Variants in EYA1 observed in about 807,000 individuals in gnomAD.
EYA1 encodes protein phosphatase EYA1.
Under a neutral mutation model 82.0 loss-of-function variants are expected in EYA1, and 16 were observed. That is an observed-to-expected ratio of 0.20 (90% CI 0.13 to 0.30). The LOEUF (loss-of-function observed/expected upper bound fraction) is 0.30, where lower values mean the gene tolerates loss of function less well. Among genes scored for constraint, EYA1 ranks in the 10% least tolerant of loss-of-function variants. The probability of loss-of-function intolerance (pLI) is 1.00; values close to 1 mark genes in which losing one functional copy is unlikely to be tolerated. For synonymous variants in EYA1, 261 were observed against 264.4 expected (o/e 0.99, Z 0.12); for missense variants, 633 against 730.7 (o/e 0.87, Z 1.54).
At chr8:71,430,397 A>T (rs1326758592) in intron 2 of EYA1, among the ~76,000 whole-genome samples, 1 of 152,220 alleles carries the variant, frequency 6.6e-6, no homozygotes, top group African/African-American at 2.4e-5. Context: ...TTGAGTTTAC[A>T]ATCTGTTCGC....
intron 2 of EYA1, among the ~76,000 whole-genome samples, chr8:71,425,458 C>A (rs779002087): frequency 1.3e-4 from 20 of 152,000 alleles, no homozygotes; most frequent in African/African-American, 4.4e-4. Context: ...TTTAACCAAG[C>A]CTATGAAATT....
chr8:71,540,796 C>T (rs1264115800), intron 1 of EYA1, among the ~76,000 whole-genome samples: 2 of 152,116 alleles, frequency 1.3e-5, no homozygotes, highest in African/African-American at 2.4e-5. Context: ...TACTCTTTGC[C>T]TTCTCACCAA....
chr8:71,304,865 C>T (rs7013104), intron 7 of EYA1, among the ~76,000 whole-genome samples: 82,351 of 140,790 alleles, frequency 0.58, 29,242 homozygotes, highest in East Asian at 0.87. Context: ...TGGATTTCAC[C>T]GAAGTTTAGA....
intron 2 of EYA1, among the ~76,000 whole-genome samples, chr8:71,429,148 T>C (rs1805453640): frequency 6.6e-6 from 1 of 152,208 alleles, no homozygotes; most frequent in Admixed American, 6.5e-5. Context: ...TCCTGAGTCT[T>C]CGTTTTCCAA....
chr8:71,494,160 A>C (rs1184661957), intron 2 of EYA1, among the ~76,000 whole-genome samples: 1 of 152,094 alleles, frequency 6.6e-6, no homozygotes. Context: ...ATATTTAGGC[A>C]CAATAGCTTG....
rs567492620 is a variant in EYA1 at position 71,488,973 on chromosome 8, A to T, written c.33+46771T>A. 3.3e-5 allele frequency among the ~76,000 whole-genome samples: 5 copies of T among 152,320 alleles called. No individual in the cohort carries two copies. In the South Asian group the frequency reaches 1.0e-3, roughly 32 times the overall value. On this transcript the variant is annotated intron_variant, in intron 2 of 18. Transcript: ENST00000643681. ...AGGGCTTTCTAAGAAACAAGATGAA[A>T]TCTGATGTCATTTTACTCTATGGAT...
intron 2 of EYA1, among the ~76,000 whole-genome samples, chr8:71,397,068 T>C (rs1371781864): frequency 6.6e-6 from 1 of 152,230 alleles, no homozygotes; most frequent in Non-Finnish European, 1.5e-5. Flanking sequence ...CTTTTGATCT[T>C]TGTTGATTTA....
chr8:71,244,361 T>A (rs1440970394), intron 12 of EYA1, among the ~76,000 whole-genome samples: 2 of 152,220 alleles, frequency 1.3e-5, no homozygotes, highest in Admixed American at 1.3e-4. Flanking sequence ...CAACAAAGTT[T>A]AAGATTCTTG....
chr8:71,388,075 A>C (rs758671780), intron 2 of EYA1, among the ~76,000 whole-genome samples: 5 of 152,200 alleles, frequency 3.3e-5, no homozygotes, highest in Non-Finnish European at 7.3e-5. Flanking sequence ...TATTCTACCC[A>C]TCTTCTAGTC....
At chr8:71,236,326 C>A (rs978300960) in intron 12 of EYA1, among the ~76,000 whole-genome samples, 3 of 152,284 alleles carry the variant, frequency 2.0e-5, no homozygotes, top group Middle Eastern at 3.4e-3. Context: ...TGAGCCACAG[C>A]ACCTGGCCGA....
chr8:71,508,312 C>T (rs1215048027), intron 2 of EYA1, among the ~76,000 whole-genome samples: 3 of 152,102 alleles, frequency 2.0e-5, no homozygotes, highest in Non-Finnish European at 4.4e-5. Context: ...CTCCTTCTGT[C>T]GCCCAGGCTG....
At chr8:71,508,414 C>G (rs1212126207) in intron 2 of EYA1, among the ~76,000 whole-genome samples, 1 of 152,178 alleles carries the variant, frequency 6.6e-6, no homozygotes, top group Admixed American at 6.5e-5. Flanking sequence ...GCTGGGATTA[C>G]AGGCACACAA....
chr8:71,287,858 G>T (rs575080725), intron 9 of EYA1, among the ~76,000 whole-genome samples: 66 of 152,284 alleles, frequency 4.3e-4, no homozygotes, highest in African/African-American at 1.5e-3. Flanking sequence ...ACATTTGAGG[G>T]CCTAATATGT....
At chr8:71,421,347 C>T (rs77213369) in intron 2 of EYA1, among the ~76,000 whole-genome samples, 4,443 of 152,216 alleles carry the variant, frequency 0.029, 204 homozygotes, top group African/African-American at 0.1. Context: ...ACTTCCTAGT[C>T]CCACTACTTC....
At chr8:71,232,983 C>T (rs542688623) in intron 12 of EYA1, among the ~76,000 whole-genome samples, 2 of 152,292 alleles carry the variant, frequency 1.3e-5, no homozygotes, top group Admixed American at 1.3e-4. Context: ...TATCATCATC[C>T]AGTTTTACAG....
chr8:71,262,709 G>A (rs982230549), intron 11 of EYA1, among the ~76,000 whole-genome samples: 12 of 152,088 alleles, frequency 7.9e-5, no homozygotes, highest in African/African-American at 1.7e-4. Flanking sequence ...GTACATTTCC[G>A]CTGTATACTA....
intron 2 of EYA1, among the ~76,000 whole-genome samples, chr8:71,396,558 T>C (rs1459635170): frequency 6.6e-6 from 1 of 152,212 alleles, no homozygotes; most frequent in Non-Finnish European, 1.5e-5. Flanking sequence ...TAGCCAGTAG[T>C]CATTCAGGAG....
chr8:71,377,670 C>T (rs1016710001), intron 2 of EYA1, among the ~76,000 whole-genome samples: 1 of 152,026 alleles, frequency 6.6e-6, no homozygotes, highest in Admixed American at 6.6e-5. Flanking sequence ...TGTGCATCAC[C>T]ATCATTCATC....
At chr8:71,368,315 G>A (rs994875148) in intron 2 of EYA1, among the ~76,000 whole-genome samples, 1 of 151,946 alleles carries the variant, frequency 6.6e-6, no homozygotes, top group Non-Finnish European at 1.5e-5. Context: ...TCTGCTGCAC[G>A]ATTATCATTG....
Sources: allele counts gnomAD v4.1 joint callset (sites outside exome capture counted in the v4.1 genomes callset), GRCh38; gene constraint gnomAD v4.1.1; transcripts MANE v1.5; gene names NCBI Gene and HGNC (gene_info 2026-07-23, HGNC 2026-07-21).